SZT2: variants seen among roughly 807,000 people sequenced by gnomAD.
The protein encoded by SZT2 is KICSTOR complex protein SZT2.
SZT2 carries 216 observed loss-of-function variants against 404.2 expected under a neutral mutation model. The observed-to-expected ratio is 0.53, with a 90% CI of 0.48 to 0.60. The LOEUF (loss-of-function observed/expected upper bound fraction) is 0.60. SZT2 is among the 20% of genes least tolerant of loss of function. The pLI, the probability that SZT2 is intolerant of heterozygous loss-of-function variation, is 0.00. For missense variants in SZT2, 3,857 were observed against 4,459.2 expected (o/e 0.86, Z 3.85); for synonymous variants, 1,693 against 1,749.9 (o/e 0.97, Z 0.81).
rs1212917723 is a variant in SZT2, at chr1:43,431,459, G to A, written c.5025-1G>A. Reference sequence around the variant, plus strand: ...AATATCTAAACCTTTCTTCCAATTAGGCACCCAGGACTATCCAATTTGGCC... The same window carrying A: ...AATATCTAAACCTTTCTTCCAATTAAGCACCCAGGACTATCCAATTTGGCC... On this transcript the variant is annotated splice_acceptor_variant, in intron 34 of 71. Transcript: ENST00000634258. LOFTEE classifies it high-confidence loss of function. 1 of 1,614,062 alleles carries A rather than the reference G, an allele frequency of 6.2e-7. No individual in the cohort carries two copies. Among genetic ancestry groups the A allele is most frequent in the South Asian group, 1.1e-5 (1 of 91,074 alleles).
intron 4 of SZT2, among the ~76,000 whole-genome samples, chr1:43,408,954 G>C (rs1650679005): frequency 6.6e-6 from 1 of 152,192 alleles, no homozygotes; most frequent in Non-Finnish European, 1.5e-5. Context: ...GGTTGTACGA[G>C]TGTGATGGGG....
chr1:43,404,749 T>C (rs1392282792), intron 4 of SZT2, 199 bp downstream of exon 4: 1 of 515,144 alleles, frequency 1.9e-6, no homozygotes, highest in African/African-American at 1.9e-5. Context: ...GGCTTTCCTA[T>C]AGACTTCGGG....
rs577182442 is a variant in SZT2, at chr1:43,438,594, C to T, written c.6509-105C>T. On this transcript the variant is annotated intron_variant, in intron 46 of 71. Transcript: ENST00000634258. ...TCCAGAGCCAGCACTCCTAACACTG[C>T]CTCTAGTATACAGGGGATTCTTTGA... The T allele has an allele frequency of 2.1e-4, 229 of 1,072,998 alleles. No homozygotes were observed. In the South Asian group the frequency reaches 3.0e-3, roughly 14 times the overall value. The allele number at this position is 1,072,998 out of a possible 1,614,324, so 66.5% of individuals were successfully genotyped here.
chr1:43,420,284 C>T lies in SZT2; in HGVS notation c.1222C>T (p.Arg408Ter), dbSNP rs368908778. The stretch of plus-strand genomic sequence containing the variant: ...GGTCAGCACTGTGTCCGTACGGCTT[C>T]GAGAGGGCTACAGTGTCCGAGAGGT... ...DLVSTVSVRL[R>*]EGYSVREVTL... The change falls in exon 9 of 72, where the codon CGA becomes TGA. Residue 408 changes from arginine (R) to a stop codon, truncating the protein, a stop_gained. Transcript: ENST00000634258. LOFTEE classifies it high-confidence loss of function. This position sits in a 1 kb window ranked among gnomAD's most constrained non-coding sequence, Gnocchi z 5.1. 9 of 1,597,730 alleles carry T rather than the reference C, an allele frequency of 5.6e-6. No homozygotes were observed. Among genetic ancestry groups the T allele is most frequent in the Non-Finnish European group, 4.2e-6 (5 of 1,179,584 alleles).
chr1:43,416,766 A>G (rs1479132815), intron 7 of SZT2, 125 bp downstream of exon 7: 1 of 725,428 alleles, frequency 1.4e-6, no homozygotes, highest in African/African-American at 1.7e-5. Flanking sequence ...CATGGGGGGA[A>G]GGAGTCATAT....
intron 1 of SZT2, among the ~76,000 whole-genome samples, chr1:43,401,608 C>A (rs1433372399): frequency 1.3e-5 from 2 of 152,208 alleles, no homozygotes; most frequent in East Asian, 3.9e-4. Flanking sequence ...GCCTCAGCCT[C>A]CCAAGTAGCT....
chr1:43,450,644 C>A lies in SZT2; in HGVS notation c.*164C>A. 1 of 1,117,842 alleles carries A rather than the reference C, an allele frequency of 8.9e-7. No individual in the cohort carries two copies. The highest frequency in any genetic ancestry group is 1.3e-6 in the Non-Finnish European group (1 of 789,264). The allele number at this position is 1,117,842 out of a possible 1,614,324, so 69.2% of individuals were successfully genotyped here. A position where few individuals can be genotyped will look rare whatever the true frequency, so the allele number is the denominator to read the frequency against. On this transcript the variant is annotated 3_prime_UTR_variant, in exon 72 of 72. Transcript: ENST00000634258. This position sits in a 1 kb window ranked among gnomAD's most constrained non-coding sequence, Gnocchi z 4.3. ...ATGTCTTGAGGGTCTGCTGCCCCAG[C>A]CTGGCAGCAGGAACCGCCCTCCCCA...
Position 43,424,525 on chromosome 1 carries a change from C to G in SZT2, c.2471+93C>G. The G allele has an allele frequency of 7.8e-7, 1 of 1,279,640 alleles. No homozygotes were observed. Among genetic ancestry groups the G allele is most frequent in the Non-Finnish European group, 1.1e-6 (1 of 913,132 alleles). The allele number at this position is 1,279,640 out of a possible 1,614,324, so 79.3% of individuals were successfully genotyped here. A position where few individuals can be genotyped will look rare whatever the true frequency, so the allele number is the denominator to read the frequency against. ...AAAAAGCCTATAGCACACACTTCTCCTCTCTAATTCCCAGTCTGAAGTATA... is the reference window on the plus strand; with the variant it reads ...AAAAAGCCTATAGCACACACTTCTCGTCTCTAATTCCCAGTCTGAAGTATA... On this transcript the variant is annotated intron_variant, in intron 16 of 71. Coordinates refer to ENST00000634258, the MANE Select transcript of SZT2 (RefSeq NM_001365999.1). This position sits in a 1 kb window ranked among gnomAD's most constrained non-coding sequence, Gnocchi z 4.1.
Position 43,451,642 on chromosome 1 carries a change from T to A in SZT2, c.*1162T>A, listed in dbSNP as rs772152391. ...AGGGTGGGAGGGCAAAGGAAGGTCC[T>A]CTCACCAACAATGGGCAGGAACTCC... On this transcript the variant is annotated 3_prime_UTR_variant, in exon 72 of 72. Coordinates refer to ENST00000634258, the MANE Select transcript of SZT2 (RefSeq NM_001365999.1). 1 of 1,614,096 alleles carries A rather than the reference T, an allele frequency of 6.2e-7. No individual in the cohort carries two copies. The highest frequency in any genetic ancestry group is 8.5e-7 in the Non-Finnish European group (1 of 1,179,988).
rs554840104 is a variant in SZT2 at position 43,416,371 on chromosome 1, G to C, written c.773-164G>C. ...TCAAGAGGAAGAAGCAGGAGGGTAA[G>C]GGAGAAGGAAAGGTGTTTGAAGTTT... On this transcript the variant is annotated intron_variant, in intron 6 of 71. Transcript: ENST00000634258. 2.0e-5 allele frequency among the ~76,000 whole-genome samples: 3 copies of C among 152,294 alleles called. No homozygotes were observed. The South Asian group carries it at 6.2e-4, about 32-fold the overall frequency.
At chr1:43,422,653 T>TCACC in intron 13 of SZT2, 21 bp downstream of exon 13, 1 of 1,479,572 alleles carries the variant, frequency 6.8e-7, no homozygotes, top group Non-Finnish European at 8.9e-7. Context: ...TGATGTCCCT[T>TCACC]CACCCCCCGC....
rs1292866963 is a variant in SZT2 at position 43,403,389 on chromosome 1, G to A, written c.153+87G>A. The A allele has an allele frequency of 6.5e-6, 10 of 1,530,276 alleles. No homozygotes were observed. In the Admixed American group the frequency reaches 1.1e-4, roughly 16 times the overall value. The allele number at this position is 1,530,276 out of a possible 1,614,324, so 94.8% of individuals were successfully genotyped here. A position where few individuals can be genotyped will look rare whatever the true frequency, so the allele number is the denominator to read the frequency against. On this transcript the variant is annotated intron_variant, in intron 2 of 71. Transcript: ENST00000634258. Reference sequence around the variant, plus strand: ...AGTGCTAGAAACAGACAGGGTGGGAGACTAACTCTTAAGTCTGGTTAGGGC... The same window carrying A: ...AGTGCTAGAAACAGACAGGGTGGGAAACTAACTCTTAAGTCTGGTTAGGGC...
chr1:43,392,945 G>A (rs985553107), intron 1 of SZT2, among the ~76,000 whole-genome samples: 9 of 152,164 alleles, frequency 5.9e-5, no homozygotes, highest in African/African-American at 1.7e-4. Flanking sequence ...AAGTATCAGG[G>A]TGGATACAGA....
chr1:43,393,994 A>C (rs1648702553), intron 1 of SZT2: 1 of 721,002 alleles, frequency 1.4e-6, no homozygotes, highest in South Asian at 6.2e-5. Context: ...TCAGATTTGA[A>C]TCCAGGTCCC....
Position 43,453,834 on chromosome 1 carries a change from A to G in SZT2, c.*3354A>G, listed in dbSNP as rs1453041257. 1.3e-5 allele frequency: 15 copies of G among 1,194,514 alleles called. No individual in the cohort carries two copies. The East Asian group carries it at 1.4e-4, about 11-fold the overall frequency. 74.0% of individuals were successfully genotyped at this position (1,194,514 alleles called of 1,614,324 possible). ...GCCGGGCGGAGTCCGCGGGATCCAAAGGCGGCGGGCGGCGGGCGGCGGGCG... is the reference window on the plus strand; with the variant it reads ...GCCGGGCGGAGTCCGCGGGATCCAAGGGCGGCGGGCGGCGGGCGGCGGGCG... On this transcript the variant is annotated 3_prime_UTR_variant, in exon 72 of 72. Transcript: ENST00000634258.
intron 1 of SZT2, among the ~76,000 whole-genome samples, chr1:43,392,954 G>C (rs571905510): frequency 1.3e-5 from 2 of 152,330 alleles, no homozygotes; most frequent in South Asian, 4.1e-4. Flanking sequence ...GGTGGATACA[G>C]AGCCGTGTAA....
chr1:43,408,753 A>G (rs1650644969), intron 4 of SZT2, among the ~76,000 whole-genome samples: 1 of 152,170 alleles, frequency 6.6e-6, no homozygotes, highest in Admixed American at 6.5e-5. Flanking sequence ...AATAATATGA[A>G]TAGGAACATC....
chr1:43,428,470 C>G lies in SZT2; in HGVS notation c.4150C>G (p.Leu1384Val). The G allele has an allele frequency of 6.2e-6, 10 of 1,613,792 alleles. No homozygotes were observed. The highest frequency in any genetic ancestry group is 8.5e-6 in the Non-Finnish European group (10 of 1,179,966). Residue 1384 changes from leucine (L) to valine (V), a missense_variant, in exon 28 of 72, where the codon CTA becomes GTA. Leu to Val is a conservative substitution (Grantham distance 32). Coordinates refer to ENST00000634258, the MANE Select transcript of SZT2 (RefSeq NM_001365999.1). ...TGCTGAACCTCGGGAACGAGCTATCCTAGCTTCTGAATCCAGGTTAGGATT... is the reference window on the plus strand; with the variant it reads ...TGCTGAACCTCGGGAACGAGCTATCGTAGCTTCTGAATCCAGGTTAGGATT... The part of the protein sequence containing the change: ...EGAEPRERAI[L>V]ASESSIETED...
chr1:43,450,145 T>C lies in SZT2; in HGVS notation c.10129T>C (p.Phe3377Leu). The C allele has an allele frequency of 6.2e-7, 1 of 1,614,086 alleles. No individual in the cohort carries two copies. Among genetic ancestry groups the C allele is most frequent in the Non-Finnish European group, 8.5e-7 (1 of 1,179,980 alleles). ...QKFTDCFVLVFLDSHLGKTSL... is the reference protein window; with the variant it reads ...QKFTDCFVLVLLDSHLGKTSL... ...GTTCACTGACTGCTTTGTGCTAGTG[T>C]TTCTGGACTCCCACTTAGGAAAGAC... Residue 3377 changes from phenylalanine to leucine, a missense_variant, in exon 71 of 72, where the codon TTT becomes CTT. By Grantham distance (22) the Phe-to-Leu change is conservative (BLOSUM62 0). Transcript: ENST00000634258. This position sits in a 1 kb window ranked among gnomAD's most constrained non-coding sequence, Gnocchi z 4.3.
Sources: gnomAD v4.1 joint callset for allele counts (sites outside exome capture counted in the v4.1 genomes callset) on GRCh38, gnomAD v4.1.1 for gene constraint, Gnocchi (gnomAD v3.1) non-coding constraint, MANE v1.5 for transcripts, NCBI Gene and HGNC (gene_info 2026-07-23, HGNC 2026-07-21) for gene names.